Variants in PRELID2 observed in about 807,000 individuals in gnomAD.
PRELID2 encodes the protein PRELI domain containing 2, also known as PRELI domain-containing protein 2.
A neutral mutation model predicts 28.4 loss-of-function variants in PRELID2; 25 were observed. The observed-to-expected ratio is 0.88, with a 90% CI of 0.64 to 1.23. The LOEUF is 1.23. Ranked by LOEUF, PRELID2 falls within the 50% of genes most tolerant of loss-of-function variation. PRELID2 has a pLI of 0.00. For synonymous variants in PRELID2, 76 were observed against 71.6 expected (o/e 1.06, Z -0.31); for missense variants, 201 against 214.4 (o/e 0.94, Z 0.39).
chr5:145,353,444 CAT>C, the PRELID2 span, among the ~76,000 whole-genome samples: 1 of 151,384 alleles, frequency 6.6e-6, no homozygotes, highest in African/African-American at 2.4e-5. Context: ...GCTTGGGTGA[CAT>C]AGCTAGAATC....
rs1752353798 is a variant in PRELID2 at position 145,500,870 on chromosome 5, T to C, written n.71-27555A>G. ...CACTGCTGCTGCAATAAATCATCTC[T>C]AACATTCCCTCTTGTCCTTGGGTCA... On this transcript the variant is annotated intron_variant and non_coding_transcript_variant, in intron 1 of 2. Transcript: ENST00000510259. 2.0e-5 allele frequency among the ~76,000 whole-genome samples: 3 copies of C among 152,154 alleles called. No individual in the cohort carries two copies. In the South Asian group the frequency reaches 6.2e-4, roughly 31 times the overall value.
chr5:145,265,970 G>C, the PRELID2 span, among the ~76,000 whole-genome samples: 1 of 151,882 alleles, frequency 6.6e-6, no homozygotes. Context: ...CAATAGACGG[G>C]ACTTAAACTA....
the PRELID2 span, among the ~76,000 whole-genome samples, chr5:145,457,577 TA>T: frequency 6.6e-6 from 1 of 152,218 alleles, no homozygotes; most frequent in Non-Finnish European, 1.5e-5. Context: ...GTATTGTTTT[TA>T]TCTTCATGAG....
the PRELID2 span, among the ~76,000 whole-genome samples, chr5:145,436,448 C>T: frequency 6.6e-6 from 1 of 151,974 alleles, no homozygotes; most frequent in Non-Finnish European, 1.5e-5. Flanking sequence ...GGATATATGC[C>T]CCCAAAATGG....
At chr5:145,266,636 C>T in the PRELID2 span, among the ~76,000 whole-genome samples, 1 of 152,118 alleles carries the variant, frequency 6.6e-6, no homozygotes, top group African/African-American at 2.4e-5. Flanking sequence ...TATAAAGATT[C>T]CTTAAAGAAC....
intron 1 of PRELID2, among the ~76,000 whole-genome samples, chr5:145,548,515 C>T (rs551226704): frequency 6.6e-6 from 1 of 152,226 alleles, no homozygotes; most frequent in African/African-American, 2.4e-5. Flanking sequence ...TCTCATTGCC[C>T]CCAGTTTCAA....
At chr5:145,285,907 G>T in the PRELID2 span, among the ~76,000 whole-genome samples, 2 of 152,196 alleles carry the variant, frequency 1.3e-5, no homozygotes, top group Admixed American at 1.3e-4. Context: ...CCACTCTACA[G>T]ATCTTTAGAT....
intron 1 of PRELID2, among the ~76,000 whole-genome samples, chr5:145,827,235 A>G (rs1755253798): frequency 6.6e-6 from 1 of 152,256 alleles, no homozygotes; most frequent in Non-Finnish European, 1.5e-5. Context: ...AGCAGCAGAA[A>G]GAAATCACCA....
intron 4 of PRELID2, among the ~76,000 whole-genome samples, chr5:145,814,991 G>A (rs990328112): frequency 3.3e-5 from 5 of 152,170 alleles, no homozygotes; most frequent in Non-Finnish European, 7.4e-5. Flanking sequence ...ACTGCATGTC[G>A]GTGCCCTCCC....
At chr5:145,663,148 A>G (rs10515555) in intron 1 of PRELID2, among the ~76,000 whole-genome samples, 9,708 of 152,128 alleles carry the variant, frequency 0.064, 1,039 homozygotes, top group African/African-American at 0.22. Flanking sequence ...GAAGCCATGG[A>G]TCATTTTCTC....
chr5:145,753,356 G>A (rs1027589522), downstream of PRELID2, among the ~76,000 whole-genome samples: 1 of 152,196 alleles, frequency 6.6e-6, no homozygotes, highest in Non-Finnish European at 1.5e-5. Flanking sequence ...TCCTTTTTCT[G>A]CAAGGGGTTC....
At chr5:145,256,653 G>A in the PRELID2 span, among the ~76,000 whole-genome samples, 1 of 151,626 alleles carries the variant, frequency 6.6e-6, no homozygotes, top group South Asian at 2.1e-4. Flanking sequence ...ATCCCAGACA[G>A]GAAAAACACA....
chr5:145,695,211 C>T (rs1755233630), intron 1 of PRELID2, among the ~76,000 whole-genome samples: 1 of 152,198 alleles, frequency 6.6e-6, no homozygotes, highest in Non-Finnish European at 1.5e-5. Context: ...TGGAGATGCT[C>T]TCTCTGTAGA....
chr5:145,281,755 A>G, the PRELID2 span, among the ~76,000 whole-genome samples: 1 of 152,202 alleles, frequency 6.6e-6, no homozygotes, highest in African/African-American at 2.4e-5. Context: ...TCCAAATGAG[A>G]AAGAGTACGA....
At chr5:145,422,832 G>A in the PRELID2 span, among the ~76,000 whole-genome samples, 9 of 151,890 alleles carry the variant, frequency 5.9e-5, no homozygotes, top group Non-Finnish European at 8.8e-5. Flanking sequence ...TCCTAGTCTC[G>A]ATGGTCTTTA....
chr5:145,351,826 G>C, the PRELID2 span, among the ~76,000 whole-genome samples: 1 of 152,124 alleles, frequency 6.6e-6, no homozygotes, highest in Non-Finnish European at 1.5e-5. Flanking sequence ...TCCAAATGGG[G>C]GAAATTGGCC....
At chr5:145,381,792 A>AACCACC in the PRELID2 span, 2 of 152,200 alleles carry the variant, frequency 1.3e-5, no homozygotes, top group Non-Finnish European at 2.9e-5. Flanking sequence ...AACCTTCTAT[A>AACCACC]ACAAAAATAA....
At chr5:145,590,966 C>G (rs1753218375) in intron 1 of PRELID2, among the ~76,000 whole-genome samples, 1 of 151,120 alleles carries the variant, frequency 6.6e-6, no homozygotes, top group Non-Finnish European at 1.5e-5. Flanking sequence ...ATTCTTCAAT[C>G]TGAAAAGATT....
chr5:145,514,983 A>C (rs765474959), intron 1 of PRELID2, among the ~76,000 whole-genome samples: 1 of 152,210 alleles, frequency 6.6e-6, no homozygotes, highest in Middle Eastern at 3.2e-3. Context: ...AACGTACCAG[A>C]ATCTCTAGGA....
Sources: allele counts gnomAD v4.1 joint callset (sites outside exome capture counted in the v4.1 genomes callset), GRCh38; gene constraint gnomAD v4.1.1; transcripts MANE v1.5; gene names NCBI Gene and HGNC (gene_info 2026-07-23, HGNC 2026-07-21).